The following ABLIM1 variants were observed in gnomAD, a reference collection of about 807,000 sequenced individuals.
ABLIM1 encodes actin-binding LIM protein 1.
A neutral mutation model predicts 107.0 loss-of-function variants in ABLIM1; 40 were observed. That is an observed-to-expected ratio of 0.37 (90% CI 0.29 to 0.49). The LOEUF (loss-of-function observed/expected upper bound fraction) is 0.49. Ranked by LOEUF, ABLIM1 falls within the 20% of genes least tolerant of loss-of-function variation. The pLI, the probability that ABLIM1 is intolerant of heterozygous loss-of-function variation, is 0.97. For missense variants in ABLIM1, 857 were observed against 1,008.5 expected (o/e 0.85, Z 2.04); for synonymous variants, 357 against 357.3 (o/e 1.00, Z 0.01).
intron 12 of ABLIM1, among the ~76,000 whole-genome samples, chr10:114,458,577 C>T (rs1429274752): frequency 6.6e-6 from 1 of 152,164 alleles, no homozygotes; most frequent in Non-Finnish European, 1.5e-5. Context: ...AAGTTGGCAG[C>T]ATCCAGAATT....
At chr10:114,703,498 A>C (rs2081347191) in intron 1 of ABLIM1, among the ~76,000 whole-genome samples, 1 of 152,212 alleles carries the variant, frequency 6.6e-6, no homozygotes, top group Non-Finnish European at 1.5e-5. Context: ...GAGAAACCAG[A>C]GACTGAAAAA....
chr10:114,788,309 C>A, the ABLIM1 span, among the ~76,000 whole-genome samples: 1 of 128,458 alleles, frequency 7.8e-6, no homozygotes, highest in African/African-American at 2.8e-5. Flanking sequence ...CTGCGAGAAA[C>A]ACCCAAGAAT....
At chr10:114,644,551 C>T (rs943867182) in intron 1 of ABLIM1, among the ~76,000 whole-genome samples, 1 of 151,824 alleles carries the variant, frequency 6.6e-6, no homozygotes, top group Admixed American at 6.6e-5. Flanking sequence ...TCTGTCCCTG[C>T]TCTACCCATC....
intron 4 of ABLIM1, among the ~76,000 whole-genome samples, chr10:114,565,985 T>C (rs1013258342): frequency 6.1e-4 from 92 of 151,928 alleles, no homozygotes; most frequent in African/African-American, 2.2e-3. Flanking sequence ...TTAGTAGAGA[T>C]GGGGTTTCAC....
rs1037164097 is a variant in ABLIM1 at position 114,611,882 on chromosome 10, C to T, written c.245-9921G>A. 9.9e-5 allele frequency among the ~76,000 whole-genome samples: 15 copies of T among 152,270 alleles called. No individual in the cohort carries two copies. In the South Asian group the frequency reaches 2.9e-3, roughly 29 times the overall value. The stretch of plus-strand genomic sequence containing the variant: ...GACACCCTTCTTTGACCTCTCCTAG[C>T]CTTTCTCTGACCATGTTCAACCATT... On this transcript the variant is annotated intron_variant, in intron 1 of 22. Coordinates refer to ENST00000533213, the MANE Select transcript of ABLIM1 (RefSeq NM_002313.7).
At chr10:114,628,629 C>T (rs1344297306) in intron 1 of ABLIM1, among the ~76,000 whole-genome samples, 8 of 152,128 alleles carry the variant, frequency 5.3e-5, no homozygotes, top group Admixed American at 5.2e-4. Context: ...AACCAAACAA[C>T]ACAAACAAAA....
intron 4 of ABLIM1, among the ~76,000 whole-genome samples, chr10:114,568,284 C>T (rs913522855): frequency 3.0e-4 from 45 of 150,900 alleles, no homozygotes; most frequent in Middle Eastern, 3.5e-3. Context: ...CTAGGGCATG[C>T]GGGACTTAAT....
intron 6 of ABLIM1, among the ~76,000 whole-genome samples, chr10:114,539,888 G>A (rs535929845): frequency 2.6e-5 from 4 of 152,220 alleles, no homozygotes; most frequent in African/African-American, 9.6e-5. Flanking sequence ...GCAGGGGAAG[G>A]GGGAGGAGGA....
At chr10:114,746,384 C>G (rs913343765) in intron 1 of ABLIM1, among the ~76,000 whole-genome samples, 8 of 152,202 alleles carry the variant, frequency 5.3e-5, no homozygotes, top group Non-Finnish European at 2.9e-5. Context: ...ATTGTGTTCT[C>G]CAATTCCATC....
chr10:114,652,883 C>T (rs959247453), intron 1 of ABLIM1, among the ~76,000 whole-genome samples: 1 of 152,182 alleles, frequency 6.6e-6, no homozygotes, highest in African/African-American at 2.4e-5. Context: ...CTTGTATTTA[C>T]GAGCTAGAGG....
intron 4 of ABLIM1, among the ~76,000 whole-genome samples, chr10:114,566,843 G>A (rs888029483): frequency 2.8e-4 from 43 of 152,310 alleles, no homozygotes; most frequent in Non-Finnish European, 5.0e-4. Context: ...GAGGTCGGGA[G>A]TTAGAGACCA....
intron 1 of ABLIM1, among the ~76,000 whole-genome samples, chr10:114,693,379 G>C (rs891889040): frequency 2.6e-5 from 4 of 152,086 alleles, no homozygotes; most frequent in Admixed American, 1.3e-4. Flanking sequence ...GCCTGTGAGT[G>C]TAAGTGACTA....
At chr10:114,564,517 C>T (rs1342886335) in intron 4 of ABLIM1, among the ~76,000 whole-genome samples, 74 of 151,912 alleles carry the variant, frequency 4.9e-4, no homozygotes, top group Admixed American at 4.9e-3. Context: ...ATGATCTGCC[C>T]ACCTCAGCCT....
At chr10:114,756,788 C>T (rs1323443) in intron 1 of ABLIM1, among the ~76,000 whole-genome samples, 2,668 of 152,296 alleles carry the variant, frequency 0.018, 72 homozygotes, top group African/African-American at 0.061. Flanking sequence ...ATATCACTTG[C>T]TTTGTAAAGT....
At chr10:114,711,135 A>G (rs761836914) in intron 1 of ABLIM1, among the ~76,000 whole-genome samples, 5 of 152,206 alleles carry the variant, frequency 3.3e-5, no homozygotes, top group Non-Finnish European at 5.9e-5. Context: ...TATCAATCAC[A>G]AGAACAAAAG....
chr10:114,534,634 G>A (rs1390867047), intron 6 of ABLIM1, among the ~76,000 whole-genome samples: 2 of 151,932 alleles, frequency 1.3e-5, no homozygotes, highest in East Asian at 1.9e-4. Context: ...CCCACCCGCC[G>A]CCGCCACCCC....
At position 114,445,399 on chromosome 10, in the gene ABLIM1, A is replaced by G. The variant is rs568023553; in HGVS notation, c.1740T>C (p.Pro580=). 6.2e-7 allele frequency: 1 copy of G among 1,614,046 alleles called. No individual in the cohort carries two copies. The highest frequency in any genetic ancestry group is 8.5e-7 in the Non-Finnish European group (1 of 1,179,906). Residue 580 remains proline, a synonymous_variant, in exon 16 of 23, where the codon CCT becomes CCC. Coordinates refer to ENST00000533213, the MANE Select transcript of ABLIM1 (RefSeq NM_002313.7). The stretch of plus-strand genomic sequence containing the variant: ...TGCCACTAGATCTGCGTTTCATGTC[A>G]GGTCCTAATTCCACAGCAAAGACAA... ...PGPPSFAVVG[P]DMKRRSSGRE...
chr10:114,704,500 A>C (rs2081380923), intron 1 of ABLIM1, among the ~76,000 whole-genome samples: 2 of 151,668 alleles, frequency 1.3e-5, no homozygotes, highest in South Asian at 4.2e-4. Flanking sequence ...ATTTAGTAAG[A>C]GTATTACATA....
At chr10:114,718,909 C>T (rs769664803) in intron 1 of ABLIM1, among the ~76,000 whole-genome samples, 2 of 152,074 alleles carry the variant, frequency 1.3e-5, no homozygotes, top group East Asian at 1.9e-4. Context: ...AGAAGGTTTC[C>T]GAAACCAAAG....
Sources: gnomAD v4.1 joint callset for allele counts (sites outside exome capture counted in the v4.1 genomes callset) on GRCh38, gnomAD v4.1.1 for gene constraint, MANE v1.5 for transcripts, NCBI Gene and HGNC (gene_info 2026-07-23, HGNC 2026-07-21) for gene names.